The following ADGRB1 variants were observed in gnomAD, a reference collection of about 807,000 sequenced individuals.
ADGRB1 encodes brain-specific angiogenesis inhibitor 1.
In ADGRB1, 36 loss-of-function variants were observed where a neutral mutation model predicts 175.7. That is an observed-to-expected ratio of 0.20 (90% CI 0.16 to 0.27). The LOEUF (loss-of-function observed/expected upper bound fraction) is 0.27. Ranked by LOEUF, ADGRB1 falls within the 10% of genes least tolerant of loss-of-function variation. The probability of loss-of-function intolerance (pLI) is 1.00; values close to 1 mark genes in which losing one functional copy is unlikely to be tolerated. For synonymous variants in ADGRB1, 1,054 were observed against 979.4 expected (o/e 1.08, Z -1.42); for missense variants, 1,731 against 2,255.3 (o/e 0.77, Z 4.71).
intron 2 of ADGRB1, among the ~76,000 whole-genome samples, chr8:142,469,674 C>T (rs1563685371): frequency 1.4e-5 from 2 of 147,344 alleles, no homozygotes; most frequent in South Asian, 2.2e-4. Flanking sequence ...TGTGTGTGCA[C>T]GTGAATGTGT....
chr8:142,480,977 G>C (rs1374299158), intron 9 of ADGRB1, among the ~76,000 whole-genome samples: 2 of 108,014 alleles, frequency 1.9e-5, no homozygotes, highest in Non-Finnish European at 4.1e-5. Context: ...AACTCTGAAG[G>C]CCCTGCTCGG....
rs778086095 is a variant in ADGRB1, at chr8:142,490,636, G to A, written c.2632-136G>A. The A allele has an allele frequency of 1.2e-5, 12 of 1,029,378 alleles. 1 individual carries two copies. The highest frequency in any genetic ancestry group is 1.1e-4 in the East Asian group (4 of 36,556). 63.8% of individuals were successfully genotyped at this position (1,029,378 alleles called of 1,614,324 possible). On this transcript the variant is annotated intron_variant, in intron 16 of 30. Transcript: ENST00000517894. ...CCACCCTGGACTCAGTTTCCTCCTCGCAAAACGCAGTCTGTTCAGGGACCC... is the reference window on the plus strand; with the variant it reads ...CCACCCTGGACTCAGTTTCCTCCTCACAAAACGCAGTCTGTTCAGGGACCC...
At chr8:142,479,538 G>T in intron 8 of ADGRB1, 51 bp downstream of exon 8, 8 of 1,505,304 alleles carry the variant, frequency 5.3e-6, no homozygotes, top group Non-Finnish European at 7.1e-6. Flanking sequence ...GATGGCGATT[G>T]GGCGGGCTTG....
chr8:142,538,744 G>A (rs1845086444), intron 26 of ADGRB1, among the ~76,000 whole-genome samples: 1 of 152,158 alleles, frequency 6.6e-6, no homozygotes, highest in African/African-American at 2.4e-5. Context: ...TGAGGGTGGT[G>A]GGTGCCGGCC....
chr8:142,540,309 C>T (rs1047428074), intron 27 of ADGRB1, among the ~76,000 whole-genome samples: 4 of 152,250 alleles, frequency 2.6e-5, no homozygotes, highest in African/African-American at 9.6e-5. Context: ...GGACAAAAAG[C>T]ACCTTCTGCC....
intron 2 of ADGRB1, among the ~76,000 whole-genome samples, chr8:142,465,933 C>A (rs1290784711): frequency 6.6e-6 from 1 of 152,154 alleles, no homozygotes; most frequent in East Asian, 1.9e-4. Flanking sequence ...TTTTCCTGCT[C>A]ATGAGACAGG....
At chr8:142,490,843 G>C in intron 17 of ADGRB1, 28 bp downstream of exon 17, 4 of 1,564,326 alleles carry the variant, frequency 2.6e-6, no homozygotes, top group Non-Finnish European at 3.5e-6. Context: ...TCATGGCCGT[G>C]GGGGTCTGGG....
intron 23 of ADGRB1, among the ~76,000 whole-genome samples, chr8:142,526,107 A>T (rs1307638961): frequency 6.6e-6 from 1 of 152,080 alleles, no homozygotes; most frequent in East Asian, 1.9e-4. Flanking sequence ...AGTTAATCTG[A>T]TGGGAATAGG....
At chr8:142,476,811 C>A (rs149597860) in intron 4 of ADGRB1, 116 bp downstream of exon 4, 3 of 1,117,042 alleles carry the variant, frequency 2.7e-6, no homozygotes, top group Non-Finnish European at 3.8e-6. Context: ...TAGACTAAAC[C>A]CTTAGGTGCA....
At chr8:142,536,374 C>T (rs903010446) in intron 25 of ADGRB1, among the ~76,000 whole-genome samples, 3 of 152,204 alleles carry the variant, frequency 2.0e-5, no homozygotes, top group African/African-American at 7.2e-5. Context: ...TTGGGAGTTC[C>T]CTGTCCATAA....
At position 142,455,740 on chromosome 8, in the gene ADGRB1, G is replaced by A. The variant is rs182840207; in HGVS notation, c.-220+5636G>A. Among the ~76,000 whole-genome samples the A allele has an allele frequency of 1.3e-5, 2 of 152,336 alleles. No individual in the cohort carries two copies. Among genetic ancestry groups the A allele is most frequent in the Admixed American group, 6.5e-5 (1 of 15,308 alleles). Reference sequence around the variant, plus strand: ...TTTGAAGTAAGAAACGCAGAGGAGCGGCCAGGAGGCTGAGAAGATGGTGCT... The same window carrying A: ...TTTGAAGTAAGAAACGCAGAGGAGCAGCCAGGAGGCTGAGAAGATGGTGCT... On this transcript the variant is annotated intron_variant, in intron 1 of 30. Transcript: ENST00000517894. The surrounding 1 kb of genome is among the most constrained non-coding windows in gnomAD (Gnocchi z 4.9).
intron 13 of ADGRB1, among the ~76,000 whole-genome samples, chr8:142,486,602 G>A (rs1220529246): frequency 2.0e-5 from 3 of 152,210 alleles, no homozygotes; most frequent in Non-Finnish European, 4.4e-5. Context: ...ATTCAGACGT[G>A]TCTGGTGGAA....
chr8:142,544,422 G>T lies in ADGRB1; in HGVS notation c.*5G>T. ...GACCTCCAGACCGAGGTCTGAGCGGGTGGGCGGCGGCCACGCACTGGGCCA... is the reference window on the plus strand; with the variant it reads ...GACCTCCAGACCGAGGTCTGAGCGGTTGGGCGGCGGCCACGCACTGGGCCA... On this transcript the variant is annotated 3_prime_UTR_variant, in exon 31 of 31. Coordinates refer to ENST00000517894, the MANE Select transcript of ADGRB1 (RefSeq NM_001702.3). The T allele has an allele frequency of 6.8e-7, 1 of 1,470,796 alleles. No homozygotes were observed. Among genetic ancestry groups the T allele is most frequent in the Non-Finnish European group, 9.0e-7 (1 of 1,109,724 alleles). The allele number at this position is 1,470,796 out of a possible 1,614,324, so 91.1% of individuals were successfully genotyped here. A position where few individuals can be genotyped will look rare whatever the true frequency, so the allele number is the denominator to read the frequency against.
chr8:142,481,957 A>C (rs1283663924), intron 11 of ADGRB1, among the ~76,000 whole-genome samples: 16 of 119,144 alleles, frequency 1.3e-4, no homozygotes, highest in Non-Finnish European at 2.4e-4. Flanking sequence ...TCTGGTCATA[A>C]GCTGAGCCCT....
At chr8:142,466,219 C>T (rs1007748595) in intron 2 of ADGRB1, among the ~76,000 whole-genome samples, 2 of 152,152 alleles carry the variant, frequency 1.3e-5, no homozygotes, top group Non-Finnish European at 2.9e-5. Flanking sequence ...GGAGGGCCAT[C>T]TTGGGGCAAT....
intron 1 of ADGRB1, among the ~76,000 whole-genome samples, chr8:142,453,364 G>C (rs988509329): frequency 6.6e-6 from 1 of 152,186 alleles, no homozygotes; most frequent in Non-Finnish European, 1.5e-5. Flanking sequence ...GGCTGCCCCC[G>C]GGTCTGCTCT....
intron 18 of ADGRB1, among the ~76,000 whole-genome samples, chr8:142,516,128 G>A (rs545504757): frequency 6.6e-6 from 1 of 152,112 alleles, no homozygotes; most frequent in African/African-American, 2.4e-5. Context: ...GGTGTGGGGG[G>A]CGTCAGTCGT....
chr8:142,501,467 G>A (rs1587357143), intron 17 of ADGRB1, among the ~76,000 whole-genome samples: 1 of 147,596 alleles, frequency 6.8e-6, no homozygotes, highest in African/African-American at 2.6e-5. Flanking sequence ...TGGAGGTGGG[G>A]TGGTGGTGGT....
chr8:142,515,094 AG>A lies in ADGRB1; in HGVS notation c.2818-3039del, dbSNP rs554308750. ...CCAGCCAGGAGAAGCCATTGGTGGGAGGGGGCCGGCTGGTTCAGACCTAGTA... is the reference window on the plus strand; with the variant it reads ...CCAGCCAGGAGAAGCCATTGGTGGGAGGGGCCGGCTGGTTCAGACCTAGTA... On this transcript the variant is annotated intron_variant, in intron 18 of 30. Transcript: ENST00000517894. 7.5e-4 allele frequency among the ~76,000 whole-genome samples: 114 copies of A among 151,934 alleles called. 2 individuals are homozygous for A. In the South Asian group the frequency reaches 0.016, roughly 21 times the overall value.
Sources: allele counts gnomAD v4.1 joint callset (sites outside exome capture counted in the v4.1 genomes callset), GRCh38; gene constraint gnomAD v4.1.1; non-coding constraint Gnocchi (gnomAD v3.1); transcripts MANE v1.5; gene names NCBI Gene and HGNC (gene_info 2026-07-23, HGNC 2026-07-21).